Variants in PTCHD1 observed in about 807,000 individuals in gnomAD.
PTCHD1 encodes the protein patched domain-containing protein 1.
Under a neutral mutation model 34.6 loss-of-function variants are expected in PTCHD1, and 3 were observed. That is an observed-to-expected ratio of 0.09 (90% CI 0.04 to 0.22). The LOEUF is 0.22. Ranked by LOEUF, PTCHD1 falls within the 10% of genes least tolerant of loss-of-function variation. PTCHD1 has a pLI of 1.00. For missense variants in PTCHD1, 504 were observed against 685.5 expected (o/e 0.74, Z 2.96); for synonymous variants, 305 against 283.1 (o/e 1.08, Z -0.77).
intron 1 of PTCHD1, among the ~76,000 whole-genome samples, chrX:23,348,841 A>C (rs1921550487): frequency 8.9e-6 from 1 of 112,068 alleles, no homozygotes; most frequent in Admixed American, 9.5e-5. Context: ...ACTCAGATCT[A>C]TATAAAGAAG....
intron 1 of PTCHD1, among the ~76,000 whole-genome samples, chrX:23,368,180 T>C (rs1196936606): frequency 2.7e-5 from 3 of 111,285 alleles, no homozygotes; most frequent in Non-Finnish European, 5.7e-5. Flanking sequence ...ACAAATACAC[T>C]TGAAAAATTC....
At position 23,361,997 on chromosome X, in the gene PTCHD1, T is replaced by C. The variant is rs1158900592; in HGVS notation, c.352-17594T>C. Among the ~76,000 whole-genome samples the C allele has an allele frequency of 2.7e-5, 3 of 112,759 alleles. No individual in the cohort carries two copies. The East Asian group carries it at 8.3e-4, about 31-fold the overall frequency. On this transcript the variant is annotated intron_variant, in intron 1 of 2. Transcript: ENST00000379361. Reference sequence around the variant, plus strand: ...TTGGCCCCCACTCTCTTCTGGCTTGTAGAGTTTCTGCGGAGAGATCCGCTG... The same window carrying C: ...TTGGCCCCCACTCTCTTCTGGCTTGCAGAGTTTCTGCGGAGAGATCCGCTG...
intron 2 of PTCHD1, among the ~76,000 whole-genome samples, chrX:23,390,620 T>C (rs1157019843): frequency 8.9e-6 from 1 of 111,952 alleles, no homozygotes; most frequent in Non-Finnish European, 1.9e-5. Context: ...AGTTAACAAA[T>C]TGACAGTCTT....
In PTCHD1 at chrX:23,351,266, A is replaced by T. The variant is rs1356058704; in HGVS notation, c.351+16040A>T. 3.8e-6 allele frequency: 3 copies of T among 791,568 alleles called. No homozygotes were observed. In the African/African-American group the frequency reaches 6.2e-5, roughly 16 times the overall value. The allele number at this position is 791,568 out of a possible 1,213,427, so 65.2% of individuals were successfully genotyped here. On this transcript the variant is annotated intron_variant, in intron 1 of 2. Coordinates refer to ENST00000379361, the MANE Select transcript of PTCHD1 (RefSeq NM_173495.3). ...GGTAATGCTGCTCTATCCTCAGTTG[A>T]CTCATTCACTCTGTTCACACAAAAG...
chrX:23,375,287 C>CTT (rs72075900), intron 1 of PTCHD1, among the ~76,000 whole-genome samples: 1,989 of 83,634 alleles, frequency 0.024, 75 homozygotes, highest in East Asian at 0.11. Flanking sequence ...GCTGACAATT[C>CTT]TTTTTTTTTT....
intron 1 of PTCHD1, among the ~76,000 whole-genome samples, chrX:23,366,028 A>C (rs761674110): frequency 8.9e-5 from 10 of 112,516 alleles, no homozygotes; most frequent in African/African-American, 2.9e-4. Flanking sequence ...AATGCAGCCC[A>C]AATGTTTAAT....
intron 1 of PTCHD1, among the ~76,000 whole-genome samples, chrX:23,336,938 T>C (rs910239350): frequency 1.8e-5 from 2 of 111,431 alleles, no homozygotes; most frequent in African/African-American, 6.5e-5. Context: ...TTTCTCTTTT[T>C]GTGTTTTTTC....
At chrX:23,364,589 C>G (rs1461008306) in intron 1 of PTCHD1, among the ~76,000 whole-genome samples, 6 of 112,002 alleles carry the variant, frequency 5.4e-5, no homozygotes, top group Non-Finnish European at 7.5e-5. Flanking sequence ...CTTTCAGCAC[C>G]TGTACTGGCA....
chrX:23,378,879 T>C (rs1418397259), intron 1 of PTCHD1, among the ~76,000 whole-genome samples: 1 of 112,191 alleles, frequency 8.9e-6, no homozygotes, highest in African/African-American at 3.2e-5. Context: ...GTGTGTAGAA[T>C]AAATCCCATT....
chrX:23,349,385 C>A (rs35378725), intron 1 of PTCHD1, among the ~76,000 whole-genome samples: 27,905 of 109,921 alleles, frequency 0.25, 2,730 homozygotes, highest in East Asian at 0.48. Context: ...ATTATGGAAA[C>A]AAAAAAGACC....
chrX:23,390,329 G>GAAAAAAAAA (rs754868031), intron 2 of PTCHD1, among the ~76,000 whole-genome samples: 5 of 69,539 alleles, frequency 7.2e-5, no homozygotes, highest in Non-Finnish European at 5.8e-5. Context: ...ATGGCCCCAG[G>GAAAAAAAAA]AAAAAAAAAA....
At chrX:23,367,202 A>G (rs774910152) in intron 1 of PTCHD1, among the ~76,000 whole-genome samples, 1 of 111,875 alleles carries the variant, frequency 8.9e-6, no homozygotes, top group East Asian at 2.8e-4. Context: ...TAGTCCCTTA[A>G]TATATGTTGA....
intron 1 of PTCHD1, among the ~76,000 whole-genome samples, chrX:23,345,322 T>C (rs913381669): frequency 1.5e-4 from 17 of 112,072 alleles, no homozygotes; most frequent in African/African-American, 4.9e-4. Context: ...CCCTGGGAAT[T>C]TCAGCATGCA....
At chrX:23,352,892 G>C (rs1253168421) in intron 1 of PTCHD1, among the ~76,000 whole-genome samples, 1 of 111,616 alleles carries the variant, frequency 9.0e-6, no homozygotes, top group African/African-American at 3.3e-5. Context: ...ATTTTAACAA[G>C]ATCCTTAGCT....
chrX:23,349,901 AAC>A (rs769064927), intron 1 of PTCHD1, among the ~76,000 whole-genome samples: 1 of 109,216 alleles, frequency 9.2e-6, no homozygotes, highest in South Asian at 4.1e-4. Context: ...GGAGAAGCAA[AAC>A]ACTGGAGATA....
Position 23,392,697 on chromosome X carries a change from C to A in PTCHD1, c.1179C>A (p.Phe393Leu). 2.5e-6 allele frequency: 3 copies of A among 1,212,278 alleles called. No homozygotes were observed. The highest frequency in any genetic ancestry group is 3.3e-6 in the Non-Finnish European group (3 of 895,604). ...CCTTTGGCATAGGGGCCAGCCCTTT[C>A]ACGAACATTGAGGCAGCCAGGATTT... ...LVTFGIGASP[F>L]TNIEAARIFC... Residue 393 changes from phenylalanine to leucine, a missense_variant, in exon 3 of 3, where the codon TTC (phenylalanine) becomes TTA (leucine). Coordinates refer to ENST00000379361, the MANE Select transcript of PTCHD1 (RefSeq NM_173495.3).
At position 23,402,181 on chromosome X, in the gene PTCHD1, C is replaced by A. The variant is rs929518502; in HGVS notation, c.*7996C>A. Reference sequence around the variant, plus strand: ...GAAAACCGGTGCATTTCATCAACCTCAAGGAAAGGAAGTGCCATGCATGGA... The same window carrying A: ...GAAAACCGGTGCATTTCATCAACCTAAAGGAAAGGAAGTGCCATGCATGGA... On this transcript the variant is annotated 3_prime_UTR_variant, in exon 3 of 3. Transcript: ENST00000379361. 1 of 111,478 alleles carries A rather than the reference C, an allele frequency of 9.0e-6. No homozygotes were observed. Among genetic ancestry groups the A allele is most frequent in the Non-Finnish European group, 1.9e-5 (1 of 53,087 alleles). 9.2% of individuals were successfully genotyped at this position (111,478 alleles called of 1,213,427 possible). A position where few individuals can be genotyped will look rare whatever the true frequency, so the allele number is the denominator to read the frequency against.
Position 23,335,165 on chromosome X carries a change from T to C in PTCHD1, c.290T>C (p.Ile97Thr). 8.3e-7 allele frequency: 1 copy of C among 1,211,982 alleles called. No homozygotes were observed. The highest frequency in any genetic ancestry group is 1.1e-6 in the Non-Finnish European group (1 of 895,439). Residue 97 changes from isoleucine (I) to threonine (T), a missense_variant, in exon 1 of 3, where the codon ATC becomes ACC. Transcript: ENST00000379361. Reference protein sequence around the residue: ...LQTPGRYGRVIVTSFQKANML... With the variant: ...LQTPGRYGRVTVTSFQKANML... ...ACCCCCGGGCGCTACGGCCGGGTCA[T>C]CGTCACCTCCTTCCAGAAAGCCAAC... is the stretch of plus-strand genomic sequence containing the variant.
Position 23,393,852 on chromosome X carries a change from C to A in PTCHD1, c.2334C>A (p.Gly778=). 1.7e-6 allele frequency: 2 copies of A among 1,210,921 alleles called. No homozygotes were observed. The highest frequency in any genetic ancestry group is 2.2e-6 in the Non-Finnish European group (2 of 894,942). ...CAPMLSTFVL[G]KDFTRTKWVK... Reference sequence around the variant, plus strand: ...CAATGTTATCCACATTTGTTCTGGGCAAGGATTTCACAAGAACTAAATGGG... The same window carrying A: ...CAATGTTATCCACATTTGTTCTGGGAAAGGATTTCACAAGAACTAAATGGG... Residue 778 remains glycine (G), a synonymous_variant, in exon 3 of 3, where the codon GGC becomes GGA. Coordinates refer to ENST00000379361, the MANE Select transcript of PTCHD1 (RefSeq NM_173495.3).
Sources: gnomAD v4.1 joint callset for allele counts (sites outside exome capture counted in the v4.1 genomes callset) on GRCh38, gnomAD v4.1.1 for gene constraint, MANE v1.5 for transcripts, NCBI Gene and HGNC (gene_info 2026-07-23, HGNC 2026-07-21) for gene names.